CADM1: variants seen among roughly 807,000 people sequenced by gnomAD.
CADM1 encodes the protein TSLC-1.
Under a neutral mutation model 53.1 loss-of-function variants are expected in CADM1, and 15 were observed. The observed-to-expected ratio is 0.28, with a 90% confidence interval of 0.19 to 0.44. The LOEUF (loss-of-function observed/expected upper bound fraction) is 0.44. Among genes scored for constraint, CADM1 ranks in the 20% least tolerant of loss-of-function variants. The probability of loss-of-function intolerance (pLI) is 1.00; values close to 1 mark genes in which losing one functional copy is unlikely to be tolerated. For missense variants in CADM1, 434 were observed against 611.3 expected, an observed-to-expected ratio of 0.71 and a Z score of 3.06; for synonymous variants, 281 against 243.0, an observed-to-expected ratio of 1.16 and a Z score of -1.45.
intron 10 of CADM1, among the ~76,000 whole-genome samples, chr11:115,183,396 G>C (rs1258668908): frequency 6.6e-6 from 1 of 152,214 alleles, no homozygotes; most frequent in Non-Finnish European, 1.5e-5. Context: ...TCATGGATCT[G>C]TGATAAGCCT....
At chr11:115,439,497 G>GTC (rs1463034366) in intron 1 of CADM1, among the ~76,000 whole-genome samples, 1 of 152,216 alleles carries the variant, frequency 6.6e-6, no homozygotes, top group Non-Finnish European at 1.5e-5. Context: ...TGAGTACACT[G>GTC]AAGCATTGCA....
At chr11:115,290,503 G>A (rs530585709) in intron 1 of CADM1, among the ~76,000 whole-genome samples, 1 of 152,268 alleles carries the variant, frequency 6.6e-6, no homozygotes, top group South Asian at 2.1e-4. Flanking sequence ...ATTAAAACCT[G>A]TACACAGGAA....
At chr11:115,448,866 G>T (rs1306145472) in intron 1 of CADM1, among the ~76,000 whole-genome samples, 1 of 152,014 alleles carries the variant, frequency 6.6e-6, no homozygotes, top group Non-Finnish European at 1.5e-5. Flanking sequence ...TAAAAATATA[G>T]AAGATCTCAA....
At chr11:115,343,412 C>T (rs945975137) in intron 1 of CADM1, among the ~76,000 whole-genome samples, 1 of 152,038 alleles carries the variant, frequency 6.6e-6, no homozygotes, top group Non-Finnish European at 1.5e-5. Context: ...AGAACTGGAA[C>T]ACAAAGGTAA....
intron 1 of CADM1, among the ~76,000 whole-genome samples, chr11:115,293,299 G>C (rs1294399401): frequency 5.9e-5 from 9 of 152,160 alleles, no homozygotes; most frequent in Admixed American, 5.9e-4. Context: ...TGGGCGTGGT[G>C]GCGGGCGCCT....
intron 1 of CADM1, among the ~76,000 whole-genome samples, chr11:115,388,918 G>T (rs1946766267): frequency 6.6e-6 from 1 of 152,054 alleles, no homozygotes; most frequent in East Asian, 1.9e-4. Context: ...ACTGAAATAT[G>T]GAGAATGCTG....
chr11:115,389,723 T>C (rs993056441), intron 1 of CADM1, among the ~76,000 whole-genome samples: 1 of 151,962 alleles, frequency 6.6e-6, no homozygotes, highest in African/African-American at 2.4e-5. Flanking sequence ...CAAGAAACTA[T>C]CAATATTGGT....
chr11:115,231,920 A>G (rs1349587942), intron 3 of CADM1, among the ~76,000 whole-genome samples: 2 of 152,132 alleles, frequency 1.3e-5, no homozygotes, highest in Non-Finnish European at 2.9e-5. Context: ...TGGGAGGCGG[A>G]GGTTACAGTG....
chr11:115,190,375 T>C (rs1939786555), intron 10 of CADM1, among the ~76,000 whole-genome samples: 1 of 152,164 alleles, frequency 6.6e-6, no homozygotes, highest in African/African-American at 2.4e-5. Flanking sequence ...GTTTACATCA[T>C]GGTGTGTGAC....
At chr11:115,196,330 C>A (rs1268505342) in intron 9 of CADM1, among the ~76,000 whole-genome samples, 2 of 152,094 alleles carry the variant, frequency 1.3e-5, no homozygotes, top group Non-Finnish European at 2.9e-5. Flanking sequence ...AAATTTCCTA[C>A]TTCGAATAGC....
chr11:115,386,306 C>G (rs1214274037), intron 1 of CADM1, among the ~76,000 whole-genome samples: 1 of 152,190 alleles, frequency 6.6e-6, no homozygotes, highest in Admixed American at 6.5e-5. Flanking sequence ...ACACTTATAT[C>G]CTATGCAGAG....
chr11:115,261,077 T>G (rs1317700321), intron 1 of CADM1, among the ~76,000 whole-genome samples: 1 of 152,054 alleles, frequency 6.6e-6, no homozygotes, highest in Non-Finnish European at 1.5e-5. Context: ...TCTCAATGCC[T>G]GAGACTTACA....
At chr11:115,276,202 A>G (rs1943439017) in intron 1 of CADM1, among the ~76,000 whole-genome samples, 1 of 152,224 alleles carries the variant, frequency 6.6e-6, no homozygotes, top group Admixed American at 6.5e-5. Flanking sequence ...GACTATTTTA[A>G]ATGACTATGA....
rs762025756 is a variant in CADM1, at chr11:115,504,363, T to G, written c.32A>C (p.Gln11Pro). ...CGCCGCCGCCGCTGCCGCCGCACAC[T>G]GGGATCCGCTCGGCAGCACTACACT... Reference protein sequence around the residue: MASVVLPSGSQCAAAAAAAAP... With the variant: MASVVLPSGSPCAAAAAAAAP... Residue 11 changes from glutamine to proline, a missense_variant, in exon 1 of 12, where the codon CAG becomes CCG. Physicochemically the swap from Gln to Pro is moderately conservative, Grantham distance 76. Coordinates refer to ENST00000331581, the MANE Select transcript of CADM1 (RefSeq NM_001301043.2). 6 of 1,548,276 alleles carry G rather than the reference T, an allele frequency of 3.9e-6. No homozygotes were observed. The South Asian group carries it at 6.0e-5, about 15-fold the overall frequency.
intron 7 of CADM1, among the ~76,000 whole-genome samples, chr11:115,211,333 A>G (rs568108461): frequency 1.3e-5 from 2 of 152,076 alleles, no homozygotes; most frequent in South Asian, 2.1e-4. Flanking sequence ...CTACACAACT[A>G]AACTATATCC....
At chr11:115,263,780 A>C (rs1943045958) in intron 1 of CADM1, among the ~76,000 whole-genome samples, 1 of 152,240 alleles carries the variant, frequency 6.6e-6, no homozygotes, top group African/African-American at 2.4e-5. Context: ...CTGTAAACAG[A>C]AACAGGCAAA....
intron 1 of CADM1, among the ~76,000 whole-genome samples, chr11:115,255,418 A>C (rs1942753452): frequency 6.6e-6 from 1 of 152,208 alleles, no homozygotes; most frequent in East Asian, 1.9e-4. Context: ...ATTACTAAAA[A>C]TGCAGAATCT....
intron 1 of CADM1, among the ~76,000 whole-genome samples, chr11:115,384,342 T>C (rs117297846): frequency 6.6e-6 from 1 of 152,248 alleles, no homozygotes; most frequent in East Asian, 1.9e-4. Context: ...CTTTTCTCCA[T>C]TTGCAGTGAG....
At chr11:115,392,746 A>G (rs1172436994) in intron 1 of CADM1, among the ~76,000 whole-genome samples, 1 of 152,150 alleles carries the variant, frequency 6.6e-6, no homozygotes, top group Non-Finnish European at 1.5e-5. Context: ...CAAGACAACC[A>G]TTATCTGACC....
Sources: allele counts gnomAD v4.1 joint callset (sites outside exome capture counted in the v4.1 genomes callset), GRCh38; gene constraint gnomAD v4.1.1; transcripts MANE v1.5; gene names NCBI Gene and HGNC (gene_info 2026-07-23, HGNC 2026-07-21).